PMM2: variants seen among roughly 807,000 people sequenced by gnomAD.
PMM2 encodes mannose-6-phosphate isomerase.
Under a neutral mutation model 33.2 loss-of-function variants are expected in PMM2, and 35 were observed. The ratio of observed to expected loss-of-function variants is 1.06; its 90% CI spans 0.81 to 1.40. PMM2 has a LOEUF of 1.40. PMM2 is among the 40% of genes most tolerant of loss of function. PMM2 has a pLI of 0.00. For synonymous variants in PMM2, 153 were observed against 114.7 expected (o/e 1.33, Z -2.13); for missense variants, 386 against 306.0 (o/e 1.26, Z -1.95).
intron 7 of PMM2, among the ~76,000 whole-genome samples, chr16:8,834,656 C>T (rs1361554405): frequency 2.6e-5 from 4 of 151,920 alleles, no homozygotes; most frequent in Non-Finnish European, 5.9e-5. Flanking sequence ...AAGTTATTTC[C>T]TTGAGGATAG....
At chr16:8,832,682 C>G in intron 7 of PMM2, 2 of 985,474 alleles carry the variant, frequency 2.0e-6, no homozygotes, top group Non-Finnish European at 2.4e-6. Context: ...CGCACCCGTT[C>G]TCCAGAAAGA....
chr16:8,845,697 C>T (rs1011923463), intron 7 of PMM2, among the ~76,000 whole-genome samples: 1 of 151,848 alleles, frequency 6.6e-6, no homozygotes, highest in Admixed American at 6.6e-5. Context: ...TCCTGCCAAG[C>T]AGCTGGGATT....
intron 7 of PMM2, among the ~76,000 whole-genome samples, chr16:8,837,137 G>A (rs924993513): frequency 3.9e-5 from 6 of 152,006 alleles, no homozygotes; most frequent in South Asian, 4.2e-4. Flanking sequence ...CGACTGAGGG[G>A]ACAGGTGGGA....
chr16:8,832,656 A>C, intron 7 of PMM2: 2 of 985,288 alleles, frequency 2.0e-6, no homozygotes, highest in Non-Finnish European at 2.4e-6. Flanking sequence ...TGCTCCCTTC[A>C]ATTGCGTCCT....
chr16:8,801,959 G>A (rs1170668697), intron 2 of PMM2, 49 bp downstream of exon 2: 1 of 1,299,884 alleles, frequency 7.7e-7, no homozygotes, highest in Non-Finnish European at 1.1e-6. Context: ...AACTTCTTAT[G>A]AGGATATTGT....
intron 7 of PMM2, among the ~76,000 whole-genome samples, chr16:8,814,219 C>A (rs942690508): frequency 6.6e-6 from 1 of 152,030 alleles, no homozygotes; most frequent in African/African-American, 2.4e-5. Flanking sequence ...AAGGAATCTG[C>A]CTGCCTCAGC....
rs189038612 is a variant in PMM2 at position 8,831,197 on chromosome 16, C to A, written c.640-16527C>A. On this transcript the variant is annotated intron_variant, in intron 7 of 7. Coordinates refer to ENST00000268261, the MANE Select transcript of PMM2 (RefSeq NM_000303.3). ...GAATTCCTCCCAAGGTTAGTTCAGC[C>A]TGTGCCCTGGAATGAACAAGGACAG... Among the ~76,000 whole-genome samples, 11 of 152,322 alleles carry A rather than the reference C, an allele frequency of 7.2e-5. No homozygotes were observed. The East Asian group carries it at 2.1e-3, about 29-fold the overall frequency.
intron 7 of PMM2, among the ~76,000 whole-genome samples, chr16:8,835,726 G>C (rs960479565): frequency 6.6e-6 from 1 of 152,034 alleles, no homozygotes; most frequent in African/African-American, 2.4e-5. Context: ...TAGCAGGCGA[G>C]TGATAACAGG....
At chr16:8,824,945 T>A (rs1250308704) in intron 7 of PMM2, among the ~76,000 whole-genome samples, 1 of 152,264 alleles carries the variant, frequency 6.6e-6, no homozygotes, top group African/African-American at 2.4e-5. Flanking sequence ...ATTGTCTCTC[T>A]CTGTCAATAT....
intron 7 of PMM2, among the ~76,000 whole-genome samples, chr16:8,831,188 TAGTTCAG>T (rs2060807657): frequency 6.6e-6 from 1 of 152,224 alleles, no homozygotes; most frequent in Admixed American, 6.5e-5. Context: ...CTCCCAAGGT[TAGTTCAG>T]CCTGTGCCCT....
intron 7 of PMM2, among the ~76,000 whole-genome samples, chr16:8,843,218 A>G (rs2060901835): frequency 6.6e-6 from 1 of 152,066 alleles, no homozygotes; most frequent in South Asian, 2.1e-4. Flanking sequence ...AGGCCCTTGA[A>G]AAGAAGGCAA....
At chr16:8,808,944 A>C (rs1176548686) in intron 4 of PMM2, 1 of 152,252 alleles carries the variant, frequency 6.6e-6, no homozygotes, top group Admixed American at 6.5e-5. Flanking sequence ...AGTTGAGCAA[A>C]ATAGGAGAGA....
At chr16:8,798,025 G>A in intron 1 of PMM2, 77 bp downstream of exon 1, 1 of 1,433,394 alleles carries the variant, frequency 7.0e-7, no homozygotes, top group Non-Finnish European at 9.5e-7. Flanking sequence ...CGACCACCCA[G>A]GGTAGGCGCC....
At chr16:8,826,286 A>T (rs10852327) in intron 7 of PMM2, among the ~76,000 whole-genome samples, 62,633 of 151,944 alleles carry the variant, frequency 0.41, 13,055 homozygotes, top group Non-Finnish European at 0.45. Context: ...ATTAGAGAAG[A>T]TTTTCTCTTT....
intron 7 of PMM2, among the ~76,000 whole-genome samples, chr16:8,827,443 T>A (rs2060775523): frequency 6.6e-6 from 1 of 150,640 alleles, no homozygotes; most frequent in Non-Finnish European, 1.5e-5. Context: ...CCAGGCTAGA[T>A]AGAGTGCAAT....
At chr16:8,804,188 A>G (rs1370340566) in intron 2 of PMM2, among the ~76,000 whole-genome samples, 1 of 149,412 alleles carries the variant, frequency 6.7e-6, no homozygotes, top group Non-Finnish European at 1.5e-5. Context: ...ACAGGCGCAC[A>G]CCACCATGCC....
intron 1 of PMM2, 21 bp downstream of exon 1, chr16:8,797,969 T>G: frequency 6.3e-7 from 1 of 1,585,768 alleles, no homozygotes; most frequent in Non-Finnish European, 8.6e-7. Context: ...GCCGGCGGGC[T>G]GCTGGCAGCC....
At chr16:8,805,074 C>T (rs996726877) in intron 3 of PMM2, among the ~76,000 whole-genome samples, 9 of 152,248 alleles carry the variant, frequency 5.9e-5, no homozygotes, top group Middle Eastern at 3.4e-3. Context: ...GTTTTTGAGA[C>T]GGAGTCTTGC....
chr16:8,810,495 C>G, intron 4 of PMM2: 1 of 152,588 alleles, frequency 6.6e-6, no homozygotes, highest in Non-Finnish European at 1.5e-5. Flanking sequence ...TCTGTAGCCA[C>G]ATTTTGAAAG....
Sources: allele counts gnomAD v4.1 joint callset (sites outside exome capture counted in the v4.1 genomes callset), GRCh38; gene constraint gnomAD v4.1.1; transcripts MANE v1.5; gene names NCBI Gene and HGNC (gene_info 2026-07-23, HGNC 2026-07-21).